Variants in MYPN observed in about 807,000 individuals in gnomAD.
MYPN encodes the protein myopalladin, also known as sarcomeric protein myopalladin, 145 kDa (MYOP).
In MYPN, 63 loss-of-function variants were observed where a neutral mutation model predicts 129.4. The observed-to-expected ratio is 0.49, with a 90% confidence interval of 0.40 to 0.60. The LOEUF is 0.60. Ranked by LOEUF, MYPN falls within the 20% of genes least tolerant of loss-of-function variation. The pLI is 0.00. For synonymous variants in MYPN, 629 were observed against 600.9 expected, an observed-to-expected ratio of 1.05 and a Z score of -0.68; for missense variants, 1,596 against 1,635.4, an observed-to-expected ratio of 0.98 and a Z score of 0.42.
intron 2 of MYPN, among the ~76,000 whole-genome samples, chr10:68,135,725 T>C (rs759794477): frequency 2.9e-4 from 44 of 152,288 alleles, no homozygotes; most frequent in Middle Eastern, 3.4e-3. Flanking sequence ...ACAACAAATA[T>C]GTTTTGAGCA....
intron 2 of MYPN, among the ~76,000 whole-genome samples, chr10:68,138,921 A>G (rs1332344114): frequency 1.3e-5 from 2 of 151,884 alleles, no homozygotes; most frequent in Admixed American, 1.3e-4. Context: ...AGTTGATGAC[A>G]CCATTTTTTT....
At chr10:68,110,875 C>T (rs1426378439) in intron 1 of MYPN, among the ~76,000 whole-genome samples, 1 of 152,126 alleles carries the variant, frequency 6.6e-6, no homozygotes, top group Admixed American at 6.5e-5. Context: ...AATATACTTA[C>T]AGAGGTGTCA....
At chr10:68,196,067 A>G (rs2043599528) in intron 15 of MYPN, among the ~76,000 whole-genome samples, 1 of 152,174 alleles carries the variant, frequency 6.6e-6, no homozygotes. Context: ...GGCCTCCCAA[A>G]GTGCTAGGAT....
intron 7 of MYPN, among the ~76,000 whole-genome samples, chr10:68,159,460 T>C (rs893657528): frequency 2.6e-5 from 4 of 152,240 alleles, no homozygotes; most frequent in Non-Finnish European, 5.9e-5. Flanking sequence ...GGATGAAACT[T>C]TTCTTTTTCA....
intron 12 of MYPN, among the ~76,000 whole-genome samples, chr10:68,185,565 A>C (rs1564689169): frequency 6.6e-6 from 1 of 152,118 alleles, no homozygotes; most frequent in Admixed American, 6.5e-5. Context: ...ACAGAGCCTG[A>C]AATAAATGGA....
rs377273417 is a variant in MYPN at position 68,194,532 on chromosome 10, C to T, written c.3075+20C>T. The T allele has an allele frequency of 9.3e-6, 15 of 1,612,262 alleles. No homozygotes were observed. The highest frequency in any genetic ancestry group is 1.3e-5 in the African/African-American group (1 of 74,962). On this transcript the variant is annotated intron_variant, in intron 14 of 19. Coordinates refer to ENST00000358913, the MANE Select transcript of MYPN (RefSeq NM_032578.4). The stretch of plus-strand genomic sequence containing the variant: ...CCCCAGGTGGAGACGCAGGGTTCTG[C>T]GCTGTGCTGCACTCTGAGGAAGGAG...
At chr10:68,093,751 C>G (rs561377169) in intron 1 of MYPN, among the ~76,000 whole-genome samples, 260 of 149,096 alleles carry the variant, frequency 1.7e-3, no homozygotes, top group Admixed American at 2.7e-3. Context: ...AGCGAGACTC[C>G]GTCTCAAAAA....
At chr10:68,195,041 A>G (rs2043581248) in intron 14 of MYPN, among the ~76,000 whole-genome samples, 1 of 152,234 alleles carries the variant, frequency 6.6e-6, no homozygotes, top group Non-Finnish European at 1.5e-5. Flanking sequence ...CAGAATAAAC[A>G]TCTTCAATTA....
In MYPN at chr10:68,211,236, A is replaced by G. The variant is rs1489779122; in HGVS notation, c.*781A>G. 1 of 453,994 alleles carries G rather than the reference A, an allele frequency of 2.2e-6. No individual in the cohort carries two copies. Among genetic ancestry groups the G allele is most frequent in the Non-Finnish European group, 4.4e-6 (1 of 226,798 alleles). The allele number at this position is 453,994 out of a possible 1,614,324, so 28.1% of individuals were successfully genotyped here. Reference sequence around the variant, plus strand: ...AAAGGATTGGTAATAAACCAATCAGAAAGAAATCCTCTGTGGGGTCACTTT... The same window carrying G: ...AAAGGATTGGTAATAAACCAATCAGGAAGAAATCCTCTGTGGGGTCACTTT... On this transcript the variant is annotated 3_prime_UTR_variant, in exon 20 of 20. Coordinates refer to ENST00000358913, the MANE Select transcript of MYPN (RefSeq NM_032578.4).
intron 6 of MYPN, 143 bp from the exon 7 acceptor site, chr10:68,158,343 A>T: frequency 1.3e-6 from 1 of 782,602 alleles, no homozygotes; most frequent in Non-Finnish European, 2.1e-6. Context: ...GCACATCCAC[A>T]GAACTGAAGC....
chr10:68,108,468 T>C (rs1354645786), upstream of MYPN, among the ~76,000 whole-genome samples: 1 of 152,198 alleles, frequency 6.6e-6, no homozygotes, highest in Non-Finnish European at 1.5e-5. Context: ...ACGAAAATAA[T>C]TATCAAATGA....
intron 12 of MYPN, among the ~76,000 whole-genome samples, chr10:68,183,062 G>C (rs2043363628): frequency 6.6e-6 from 1 of 152,130 alleles, no homozygotes; most frequent in Non-Finnish European, 1.5e-5. Flanking sequence ...GGAATACATA[G>C]AGACAATGTG....
intron 2 of MYPN, 150 bp from the exon 3 acceptor site, chr10:68,142,790 T>C (rs928901250): frequency 2.6e-6 from 2 of 782,622 alleles, no homozygotes; most frequent in African/African-American, 1.7e-5. Context: ...CTCTTCTCAC[T>C]GTTACAAAAA....
chr10:68,148,290 T>C, intron 4 of MYPN, 63 bp from the exon 5 acceptor site: 1 of 1,348,148 alleles, frequency 7.4e-7, no homozygotes, highest in Non-Finnish European at 1.1e-6. Context: ...CTAGTTTTCC[T>C]AAAATAATTT....
Position 68,210,914 on chromosome 10 carries a change from T to C in MYPN, c.*459T>C, listed in dbSNP as rs745834764. ...TCACCATCACCTTTCATCGATTACA[T>C]GTATAGCAGTAGTTTTGGTGAATTC... On this transcript the variant is annotated 3_prime_UTR_variant, in exon 20 of 20. Coordinates refer to ENST00000358913, the MANE Select transcript of MYPN (RefSeq NM_032578.4). 2 of 454,884 alleles carry C rather than the reference T, an allele frequency of 4.4e-6. No homozygotes were observed. The highest frequency in any genetic ancestry group is 4.7e-5 in the Admixed American group (2 of 42,574). 28.2% of individuals were successfully genotyped at this position (454,884 alleles called of 1,614,324 possible). A position where few individuals can be genotyped will look rare whatever the true frequency, so the allele number is the denominator to read the frequency against.
intron 18 of MYPN, among the ~76,000 whole-genome samples, chr10:68,205,997 T>C (rs1390927305): frequency 2.0e-5 from 3 of 152,198 alleles, no homozygotes. Context: ...CACTTATTCA[T>C]CCTTTGAGCT....
chr10:68,152,140 G>A (rs34315259), intron 6 of MYPN, among the ~76,000 whole-genome samples: 2,546 of 152,282 alleles, frequency 0.017, 29 homozygotes, highest in Non-Finnish European at 0.026. Flanking sequence ...CAATAGAAAG[G>A]AACGTCTGGA....
chr10:68,194,578 G>A, intron 14 of MYPN, 66 bp downstream of exon 14: 7 of 1,555,802 alleles, frequency 4.5e-6, no homozygotes, highest in East Asian at 2.3e-5. Context: ...CATTGTGAAT[G>A]AGACCTTGAG....
chr10:68,125,110 A>G (rs1486487859), intron 2 of MYPN, among the ~76,000 whole-genome samples: 1 of 152,260 alleles, frequency 6.6e-6, no homozygotes, highest in Non-Finnish European at 1.5e-5. Context: ...AATCTCAGAT[A>G]CAAGAATGAA....
Sources: allele counts gnomAD v4.1 joint callset (sites outside exome capture counted in the v4.1 genomes callset), GRCh38; gene constraint gnomAD v4.1.1; transcripts MANE v1.5; gene names NCBI Gene and HGNC (gene_info 2026-07-23, HGNC 2026-07-21).